The following CABP4 variants were observed in gnomAD, a reference collection of about 807,000 sequenced individuals.
CABP4 encodes the protein calcium binding protein 4, also known as calcium-binding protein 4.
In CABP4, 30 loss-of-function variants were observed where a neutral mutation model predicts 30.7. The observed-to-expected ratio is 0.98, with a 90% CI of 0.73 to 1.33. The LOEUF (loss-of-function observed/expected upper bound fraction) is 1.33, where lower values mean the gene tolerates loss of function less well. CABP4 is among the 40% of genes most tolerant of loss of function. The pLI is 0.00. For synonymous variants in CABP4, 161 were observed against 159.2 expected (o/e 1.01, Z -0.08); for missense variants, 424 against 395.5 (o/e 1.07, Z -0.61).
In CABP4 at chr11:67,460,828, A is replaced by C. The variant is rs1488398608; in HGVS notation, c.*2169A>C. 6.6e-6 allele frequency among the ~76,000 whole-genome samples: 1 copy of C among 151,286 alleles called. No homozygotes were observed. The highest frequency in any genetic ancestry group is 1.5e-5 in the Non-Finnish European group (1 of 67,762). On this transcript the variant is annotated 3_prime_UTR_variant, in exon 6 of 6. Coordinates refer to ENST00000325656, the MANE Select transcript of CABP4 (RefSeq NM_145200.5). Reference sequence around the variant, plus strand: ...AAACCCCATCTCTACTAAAAATACAAAAAAAAATTAGCTGGGCGTGGTGGC... The same window carrying C: ...AAACCCCATCTCTACTAAAAATACACAAAAAAATTAGCTGGGCGTGGTGGC...
rs1202935272 is a variant in CABP4 at position 67,460,930 on chromosome 11, A to G, written c.*2271A>G. Among the ~76,000 whole-genome samples the G allele has an allele frequency of 6.7e-6, 1 of 149,394 alleles. No individual in the cohort carries two copies. Among genetic ancestry groups the G allele is most frequent in the Non-Finnish European group, 1.5e-5 (1 of 67,792 alleles). ...AACCCAGGAGGCGGAGCTTGCAGTGAGCCGAGATTGCACCACTGCACTCCA... is the reference window on the plus strand; with the variant it reads ...AACCCAGGAGGCGGAGCTTGCAGTGGGCCGAGATTGCACCACTGCACTCCA... On this transcript the variant is annotated 3_prime_UTR_variant, in exon 6 of 6. Coordinates refer to ENST00000325656, the MANE Select transcript of CABP4 (RefSeq NM_145200.5).
Position 67,458,812 on chromosome 11 carries a change from C to A in CABP4, c.*153C>A. On this transcript the variant is annotated 3_prime_UTR_variant, in exon 6 of 6. Transcript: ENST00000325656. ...TGAAAACACCTGGCCTCAATGTTGG[C>A]TTGTTATGTTACCTGCCCACCCTCA... 1 of 903,904 alleles carries A rather than the reference C, an allele frequency of 1.1e-6. No homozygotes were observed. Among genetic ancestry groups the A allele is most frequent in the Non-Finnish European group, 1.8e-6 (1 of 571,178 alleles). The allele number at this position is 903,904 out of a possible 1,614,324, so 56.0% of individuals were successfully genotyped here. A position where few individuals can be genotyped will look rare whatever the true frequency, so the allele number is the denominator to read the frequency against.
chr11:67,455,749 A>G lies in CABP4; in HGVS notation c.326A>G (p.Gln109Arg), dbSNP rs1278067109. The change falls in exon 1 of 6, where the codon CAG becomes CGG. Residue 109 changes from glutamine to arginine, a missense_variant. Transcript: ENST00000325656. The part of the protein sequence containing the change: ...HRPDSLHDAA[Q>R]RTYGPLLNRV... ...CCTGACTCCCTGCACGACGCTGCTC[A>G]GAGGACATACGGGCCCCTGCTCAAT... The G allele has an allele frequency of 6.3e-7, 1 of 1,597,374 alleles. No homozygotes were observed. The highest frequency in any genetic ancestry group is 1.7e-5 in the Admixed American group (1 of 57,684).
chr11:67,457,577 C>CG lies in CABP4; in HGVS notation c.548dup (p.Arg184ProfsTer5). 1 of 1,582,312 alleles carries CG rather than the reference C, an allele frequency of 6.3e-7. No homozygotes were observed. Among genetic ancestry groups the CG allele is most frequent in the Non-Finnish European group, 8.6e-7 (1 of 1,163,690 alleles). ...ACACTCTTCCTGGGTCTGCAGTGGG[C>CG]GGCCGTGTGGACTTTGAGGAGTTTG... On this transcript the variant is annotated frameshift_variant, in exon 4 of 6. Transcript: ENST00000325656. LOFTEE classifies it high-confidence loss of function.
chr11:67,455,690 G>A lies in CABP4; in HGVS notation c.267G>A (p.Gly89=). 1 of 1,607,832 alleles carries A rather than the reference G, an allele frequency of 6.2e-7. No individual in the cohort carries two copies. The highest frequency in any genetic ancestry group is 8.5e-7 in the Non-Finnish European group (1 of 1,178,480). Residue 89 remains glycine, a synonymous_variant, in exon 1 of 6, where the codon GGG becomes GGA. Coordinates refer to ENST00000325656, the MANE Select transcript of CABP4 (RefSeq NM_145200.5). ...CGGGCGCACCCCCTGCATCCCCTGG[G>A]CCGGCCTCTTCTCGCCAGTCCCACC... ...GPAGAPPASP[G]PASSRQSHRH...
rs1864739646 is a variant in CABP4, at chr11:67,455,556, G to A, written c.133G>A (p.Glu45Lys). 1.2e-6 allele frequency: 2 copies of A among 1,603,220 alleles called. No homozygotes were observed. The highest frequency in any genetic ancestry group is 2.2e-5 in the East Asian group (1 of 44,570). ...GTTGACCAGGAAGAGGAGCAAGAAG[G>A]AGAGGGGGCTCCGAGGGTCTCGAAA... is the stretch of plus-strand genomic sequence containing the variant. Reference protein sequence around the residue: ...PPLTRKRSKKERGLRGSRKRT... With the variant: ...PPLTRKRSKKKRGLRGSRKRT... The change falls in exon 1 of 6, where the codon GAG (glutamate) becomes AAG (lysine). Residue 45 changes from glutamate (E) to lysine (K), a missense_variant. Glu to Lys is a moderately conservative substitution (Grantham distance 56). Transcript: ENST00000325656.
intron 2 of CABP4, 40 bp downstream of exon 2, chr11:67,456,258 C>A: frequency 6.2e-7 from 1 of 1,613,518 alleles, no homozygotes; most frequent in South Asian, 1.1e-5. Context: ...GGGAGCTGTC[C>A]CTGAGCCTGG....
intron 3 of CABP4, among the ~76,000 whole-genome samples, chr11:67,457,291 CGCACATCA>C (rs1227209292): frequency 6.6e-6 from 1 of 152,118 alleles, no homozygotes; most frequent in Non-Finnish European, 1.5e-5. Context: ...GCCAATGCCA[CGCACATCA>C]GCAGCAGGGC....
chr11:67,457,732 C>T, intron 4 of CABP4, 50 bp downstream of exon 4: 2 of 1,433,430 alleles, frequency 1.4e-6, no homozygotes, highest in Non-Finnish European at 1.9e-6. Context: ...GGGTGGCATC[C>T]TTGCTGGCCT....
rs867071753 is a variant in CABP4, at chr11:67,460,985, G to A, written c.*2326G>A. ...GGGCTACAGAGCGAGACTCCGTCTC[G>A]GAAAAAAAAAAAAAAAAAGGTCACT... On this transcript the variant is annotated 3_prime_UTR_variant, in exon 6 of 6. Coordinates refer to ENST00000325656, the MANE Select transcript of CABP4 (RefSeq NM_145200.5). 6.1e-3 allele frequency among the ~76,000 whole-genome samples: 618 copies of A among 101,466 alleles called. 10 individuals are homozygous for A. The highest frequency in any genetic ancestry group is 0.05 in the African/African-American group (592 of 11,764). 66.6% of individuals were successfully genotyped at this position (101,466 alleles called of 152,430 possible).
Position 67,456,191 on chromosome 11 carries a change from C to G in CABP4, c.370C>G (p.Arg124Gly). Residue 124 changes from arginine to glycine, a missense_variant, in exon 2 of 6, where the codon CGC becomes GGC. Transcript: ENST00000325656. ...ATCCTGGACTCTCCCCCTGCAGGAC[C>G]GCGAACTGGGCCCCGAGGAGCTAGA... ...PLLNRVFGKDRELGPEELDEL... is the reference protein window; with the variant it reads ...PLLNRVFGKDGELGPEELDEL... 2 of 1,613,226 alleles carry G rather than the reference C, an allele frequency of 1.2e-6. No homozygotes were observed. The highest frequency in any genetic ancestry group is 1.7e-6 in the Non-Finnish European group (2 of 1,179,894).
chr11:67,452,962 C>A, upstream of CABP4: 1 of 437,558 alleles, frequency 2.3e-6, no homozygotes, highest in Non-Finnish European at 4.0e-6. Context: ...TTCAGAGAAT[C>A]AGTGAAGGTA....
rs772058303 is a variant in CABP4, at chr11:67,457,670, C to T, written c.639C>T (p.Ile213=). The part of the protein sequence containing the change: ...AHMLGVRELR[I]AFREFDRDRD... ...TGCTGGGGGTGCGAGAGCTGCGCAT[C>T]GCCTTCCGAGAGGTGCGGAGTGTGG... Residue 213 remains isoleucine (I), a synonymous_variant, in exon 4 of 6, where the codon ATC becomes ATT. Transcript: ENST00000325656. 4.6e-5 allele frequency: 73 copies of T among 1,589,416 alleles called. No homozygotes were observed. Among genetic ancestry groups the T allele is most frequent in the Middle Eastern group, 1.7e-4 (1 of 6,052 alleles).
Position 67,458,438 on chromosome 11 carries a change from G to C in CABP4, c.719G>C (p.Gly240Ala). 1 of 1,613,998 alleles carries C rather than the reference G, an allele frequency of 6.2e-7. No homozygotes were observed. Among genetic ancestry groups the C allele is most frequent in the Non-Finnish European group, 8.5e-7 (1 of 1,179,972 alleles). The change falls in exon 5 of 6, where the codon GGG becomes GCG. Residue 240 changes from glycine to alanine, a missense_variant. By Grantham distance (60) the Gly-to-Ala change is moderately conservative. Transcript: ENST00000325656. ...CGGGAGGCGGTACCGGCTCTGCTCG[G>C]GGAGCCGCTGGCGGGTCCTGAGCTG... ...ELREAVPALL[G>A]EPLAGPELDE...
chr11:67,455,373 G>C lies in CABP4; in HGVS notation c.-51G>C. On this transcript the variant is annotated 5_prime_UTR_variant, in exon 1 of 6. Coordinates refer to ENST00000325656, the MANE Select transcript of CABP4 (RefSeq NM_145200.5). ...ATAAGCAGCTTTATGGGTCCTGAAA[G>C]CCAAGGGTGCCCAGGGGTGTGGTGT... The C allele has an allele frequency of 6.4e-7, 1 of 1,561,794 alleles. No individual in the cohort carries two copies. The highest frequency in any genetic ancestry group is 8.6e-7 in the Non-Finnish European group (1 of 1,157,042).
In CABP4 at chr11:67,458,513, T is replaced by A. The variant is rs1565163767; in HGVS notation, c.794T>A (p.Phe265Tyr). 2 of 1,613,978 alleles carry A rather than the reference T, an allele frequency of 1.2e-6. No individual in the cohort carries two copies. Among genetic ancestry groups the A allele is most frequent in the Non-Finnish European group, 1.7e-6 (2 of 1,180,028 alleles). Residue 265 changes from phenylalanine (F) to tyrosine (Y), a missense_variant, in exon 5 of 6, where the codon TTT becomes TAT. Physicochemically the swap from Phe to Tyr is conservative, Grantham distance 22. Transcript: ENST00000325656. ...VDLNGDGTVD[F>Y]DEFVMMLSRH Reference sequence around the variant, plus strand: ...CTCAATGGGGATGGCACCGTAGACTTTGACGGTGAGTCTCCTTCCCGGAAA... The same window carrying A: ...CTCAATGGGGATGGCACCGTAGACTATGACGGTGAGTCTCCTTCCCGGAAA...
Position 67,455,770 on chromosome 11 carries a change from T to C in CABP4, c.347T>C (p.Leu116Pro). 6.3e-7 allele frequency: 1 copy of C among 1,582,246 alleles called. No individual in the cohort carries two copies. The highest frequency in any genetic ancestry group is 8.6e-7 in the Non-Finnish European group (1 of 1,165,218). ...GCTCAGAGGACATACGGGCCCCTGC[T>C]CAATCGAGTCTTCGGGAAGGTTAGG... ...DAAQRTYGPL[L>P]NRVFGKDREL... is the part of the protein sequence containing the mutation. Residue 116 changes from leucine (L) to proline (P), a missense_variant, in exon 1 of 6, where the codon CTC becomes CCC. Coordinates refer to ENST00000325656, the MANE Select transcript of CABP4 (RefSeq NM_145200.5).
rs533020503 is a variant in CABP4 at position 67,460,514 on chromosome 11, T to TACACACACACACACACAC, written c.*1856_*1857insCACACACACACACACACA. ...TTAAAAAAATAAAGTATATTTTATATATACACACACACACACACACACACA... is the reference window on the plus strand; with the variant it reads ...TTAAAAAAATAAAGTATATTTTATATACACACACACACACACACATACACACACACACACACACACACA... On this transcript the variant is annotated 3_prime_UTR_variant, in exon 6 of 6. Transcript: ENST00000325656. Among the ~76,000 whole-genome samples the TACACACACACACACACAC allele has an allele frequency of 8.4e-6, 1 of 118,620 alleles. No individual in the cohort carries two copies. The highest frequency in any genetic ancestry group is 4.5e-5 in the African/African-American group (1 of 22,042). 77.8% of individuals were successfully genotyped at this position (118,620 alleles called of 152,430 possible).
rs1174284314 is a variant in CABP4, at chr11:67,455,595, T to C, written c.172T>C (p.Ser58Pro). 1.9e-6 allele frequency: 3 copies of C among 1,606,424 alleles called. No homozygotes were observed. Among genetic ancestry groups the C allele is most frequent in the Non-Finnish European group, 2.5e-6 (3 of 1,177,698 alleles). Reference sequence around the variant, plus strand: ...AGGGTCTCGAAAGCGCACTGGCAGCTCTGGGGAGCAGACAGGCCCCGAGGC... The same window carrying C: ...AGGGTCTCGAAAGCGCACTGGCAGCCCTGGGGAGCAGACAGGCCCCGAGGC... The part of the protein sequence containing the change: ...LRGSRKRTGS[S>P]GEQTGPEAPG... The change falls in exon 1 of 6, where the codon TCT (serine) becomes CCT (proline). Residue 58 changes from serine to proline, a missense_variant. By Grantham distance (74) the Ser-to-Pro change is moderately conservative. Coordinates refer to ENST00000325656, the MANE Select transcript of CABP4 (RefSeq NM_145200.5).
Sources: allele counts gnomAD v4.1 joint callset (sites outside exome capture counted in the v4.1 genomes callset), GRCh38; gene constraint gnomAD v4.1.1; transcripts MANE v1.5; gene names NCBI Gene and HGNC (gene_info 2026-07-23, HGNC 2026-07-21).